The following MICALL2 variants were observed in gnomAD, a reference collection of about 807,000 sequenced individuals.
MICALL2 encodes the protein MICAL-like protein 2.
Under a neutral mutation model 91.1 loss-of-function variants are expected in MICALL2, and 111 were observed. The ratio of observed to expected loss-of-function variants is 1.22; its 90% confidence interval spans 1.04 to 1.43. The LOEUF (loss-of-function observed/expected upper bound fraction) is 1.43, where lower values mean the gene tolerates loss of function less well. Among genes scored for constraint, MICALL2 ranks in the 40% most tolerant of loss-of-function variants. The pLI is 0.00. For synonymous variants in MICALL2, 694 were observed against 525.3 expected (o/e 1.32, Z -4.39); for missense variants, 1,556 against 1,236.0 (o/e 1.26, Z -3.88).
At chr7:1,439,354 CATT>C in intron 9 of MICALL2, 5 of 265,494 alleles carry the variant, frequency 1.9e-5, no homozygotes, top group South Asian at 8.0e-5. Context: ...ACATGCATCA[CATT>C]CATGAAACAG....
intron 1 of MICALL2, among the ~76,000 whole-genome samples, chr7:1,457,581 T>C (rs894974167): frequency 6.6e-6 from 1 of 152,146 alleles, no homozygotes; most frequent in Admixed American, 6.5e-5. Flanking sequence ...TAACTGTCAG[T>C]GCACTGAGGA....
At position 1,445,046 on chromosome 7, in the gene MICALL2, T is replaced by C. The variant is rs373811505; in HGVS notation, c.1024A>G (p.Asn342Asp). The stretch of plus-strand genomic sequence containing the variant: ...GACGACCAGCCCATCGGGGAGCTAT[T>C]GGTCACACGAGGGCGGACTTTCCCC... The part of the protein sequence containing the change: ...TEGKVRPRVT[N>D]SSPMGWSSAA... The change falls in exon 6 of 17, where the codon AAT becomes GAT. Residue 342 changes from asparagine (N) to aspartate (D), a missense_variant. Asn to Asp is a conservative substitution (Grantham distance 23). Transcript: ENST00000297508. The C allele has an allele frequency of 2.9e-5, 45 of 1,541,882 alleles. No homozygotes were observed. Among genetic ancestry groups the C allele is most frequent in the Non-Finnish European group, 3.8e-5 (43 of 1,142,970 alleles).
At position 1,452,785 on chromosome 7, in the gene MICALL2, C is replaced by T. The variant is rs773544089; in HGVS notation, c.144-2497G>A. On this transcript the variant is annotated intron_variant, in intron 1 of 16. Transcript: ENST00000297508. This position sits in a 1 kb window ranked among gnomAD's most constrained non-coding sequence, Gnocchi z 6.2. Reference sequence around the variant, plus strand: ...AGGTCTGGGCTGCGAGTTCAAGCATCGCGGCCTCAGGATGAGGTTCAAGCT... The same window carrying T: ...AGGTCTGGGCTGCGAGTTCAAGCATTGCGGCCTCAGGATGAGGTTCAAGCT... Among the ~76,000 whole-genome samples the T allele has an allele frequency of 6.6e-6, 1 of 152,140 alleles. No individual in the cohort carries two copies. The highest frequency in any genetic ancestry group is 1.5e-5 in the Non-Finnish European group (1 of 68,018).
At chr7:1,435,001 C>CCCCCCCGGGG in intron 16 of MICALL2, 100 bp downstream of exon 16, 2 of 732,138 alleles carry the variant, frequency 2.7e-6, no homozygotes, top group Non-Finnish European at 4.4e-6. Context: ...CCCCCACCCC[C>CCCCCCCGGGG]AGCTGGAGGC....
At position 1,445,269 on chromosome 7, in the gene MICALL2, G is replaced by A. The variant is rs748280308; in HGVS notation, c.801C>T (p.Ser267=). 18 of 1,612,346 alleles carry A rather than the reference G, an allele frequency of 1.1e-5. No individual in the cohort carries two copies. The highest frequency in any genetic ancestry group is 7.7e-5 in the South Asian group (7 of 91,064). ...PRQPGAMGVD[S]RTSCSPQKAQ... ...CCTTCTGTGGGGAACAGGAGGTCCTGGAATCCACACCCATGGCCCCTGGCT... is the reference window on the plus strand; with the variant it reads ...CCTTCTGTGGGGAACAGGAGGTCCTAGAATCCACACCCATGGCCCCTGGCT... The change falls in exon 6 of 17, where the codon TCC becomes TCT. Residue 267 remains serine, a synonymous_variant. Coordinates refer to ENST00000297508, the MANE Select transcript of MICALL2 (RefSeq NM_182924.4).
rs770950040 is a variant in MICALL2 at position 1,445,272 on chromosome 7, A to G, written c.798T>C (p.Asp266=). The change falls in exon 6 of 17, where the codon GAT becomes GAC. Residue 266 remains aspartate, a synonymous_variant. Transcript: ENST00000297508. The stretch of plus-strand genomic sequence containing the variant: ...TCTGTGGGGAACAGGAGGTCCTGGA[A>G]TCCACACCCATGGCCCCTGGCTGTC... ...VPRQPGAMGV[D]SRTSCSPQKA... 2.9e-5 allele frequency: 46 copies of G among 1,612,286 alleles called. No individual in the cohort carries two copies. The South Asian group carries it at 4.1e-4, about 14-fold the overall frequency.
rs1779984245 is a variant in MICALL2 at position 1,436,736 on chromosome 7, C to CCT, written c.2591+4_2591+5dup. On this transcript the variant is annotated splice_donor_region_variant and intron_variant, in intron 15 of 16. Transcript: ENST00000297508. Reference sequence around the variant, plus strand: ...CTGGGAGGGGCCCCCGGCACCTGCCCCTCACCGGAGCCGGTCCTCGTCCAG... The same window carrying CCT: ...CTGGGAGGGGCCCCCGGCACCTGCCCCTCTCACCGGAGCCGGTCCTCGTCCAG... The CCT allele has an allele frequency of 1.9e-6, 3 of 1,599,000 alleles. No individual in the cohort carries two copies. Among genetic ancestry groups the CCT allele is most frequent in the Non-Finnish European group, 2.6e-6 (3 of 1,174,130 alleles).
In MICALL2 at chr7:1,445,506, A is replaced by G. The variant is rs913118389; in HGVS notation, c.642-78T>C. On this transcript the variant is annotated intron_variant, in intron 5 of 16. Transcript: ENST00000297508. Reference sequence around the variant, plus strand: ...GCATTCACCACGTGCTCCTGATAGCAGGCATTGCGGACTCCTGTGTCCACT... The same window carrying G: ...GCATTCACCACGTGCTCCTGATAGCGGGCATTGCGGACTCCTGTGTCCACT... 3 of 1,356,812 alleles carry G rather than the reference A, an allele frequency of 2.2e-6. No individual in the cohort carries two copies. In the Admixed American group the frequency reaches 8.2e-5, roughly 37 times the overall value. 84.0% of individuals were successfully genotyped at this position (1,356,812 alleles called of 1,614,324 possible). A position where few individuals can be genotyped will look rare whatever the true frequency, so the allele number is the denominator to read the frequency against.
Position 1,447,675 on chromosome 7 carries a change from G to T in MICALL2, c.425C>A (p.Pro142His), listed in dbSNP as rs369441852. The T allele has an allele frequency of 6.9e-6, 11 of 1,585,586 alleles. No individual in the cohort carries two copies. Among genetic ancestry groups the T allele is most frequent in the Admixed American group, 1.8e-5 (1 of 56,054 alleles). Residue 142 changes from proline to histidine, a missense_variant, in exon 4 of 17, where the codon CCC becomes CAC. Coordinates refer to ENST00000297508, the MANE Select transcript of MICALL2 (RefSeq NM_182924.4). ...KKAPVQAAKL[P>H]SPAPARKPPL... ...AGGCTTCCGGGCTGGGGCGGGCGAG[G>T]GCAGCTTGGCCGCCTGGACTGGAGC...
At position 1,438,363 on chromosome 7, in the gene MICALL2, G is replaced by A. The variant is rs767061457; in HGVS notation, c.2123-10C>T. On this transcript the variant is annotated splice_polypyrimidine_tract_variant and intron_variant, in intron 10 of 16. Transcript: ENST00000297508. ...GGGGACAAGGGTCTCCCTGGAGAAG[G>A]AGCAGGGTGAGCCTCTGGGACCTGG... The A allele has an allele frequency of 1.9e-6, 3 of 1,595,762 alleles. No homozygotes were observed. Among genetic ancestry groups the A allele is most frequent in the African/African-American group, 1.3e-5 (1 of 74,512 alleles).
chr7:1,455,955 T>C (rs1035361768), intron 1 of MICALL2, among the ~76,000 whole-genome samples: 3 of 151,990 alleles, frequency 2.0e-5, no homozygotes, highest in Non-Finnish European at 4.4e-5. Flanking sequence ...GGTCTGTGCC[T>C]GTCCCTCACA....
At chr7:1,453,081 C>T (rs963972223) in intron 1 of MICALL2, among the ~76,000 whole-genome samples, 3 of 151,972 alleles carry the variant, frequency 2.0e-5, no homozygotes, top group Admixed American at 1.3e-4. Flanking sequence ...CAGAAATCGC[C>T]GCCAGAACCG....
chr7:1,448,596 T>C (rs959123350), intron 3 of MICALL2, 24 bp downstream of exon 3: 2 of 1,610,840 alleles, frequency 1.2e-6, no homozygotes, highest in African/African-American at 2.7e-5. Context: ...CCTGCCTGGC[T>C]CGGCGGGCGC....
At position 1,445,276 on chromosome 7, in the gene MICALL2, A is replaced by C. The variant is rs1780519776; in HGVS notation, c.794T>G (p.Val265Gly). The C allele has an allele frequency of 1.2e-6, 2 of 1,612,300 alleles. No individual in the cohort carries two copies. The highest frequency in any genetic ancestry group is 1.7e-6 in the Non-Finnish European group (2 of 1,179,868). The part of the protein sequence containing the change: ...LVPRQPGAMG[V>G]DSRTSCSPQK... Reference sequence around the variant, plus strand: ...TGGGGAACAGGAGGTCCTGGAATCCACACCCATGGCCCCTGGCTGTCGGGG... The same window carrying C: ...TGGGGAACAGGAGGTCCTGGAATCCCCACCCATGGCCCCTGGCTGTCGGGG... The change falls in exon 6 of 17, where the codon GTG becomes GGG. Residue 265 changes from valine to glycine, a missense_variant. Transcript: ENST00000297508.
chr7:1,438,516 G>A (rs1347399243), intron 10 of MICALL2, 163 bp from the exon 11 acceptor site: 2 of 1,441,450 alleles, frequency 1.4e-6, no homozygotes, highest in African/African-American at 1.4e-5. Context: ...CAGCCCCACA[G>A]ACACCTGAGT....
intron 10 of MICALL2, 28 bp downstream of exon 10, chr7:1,438,812 A>T: frequency 6.3e-7 from 1 of 1,579,526 alleles, no homozygotes; most frequent in East Asian, 2.3e-5. Context: ...CGTACACCCC[A>T]AACAGCAGCG....
At chr7:1,445,778 GACCCACCCTGGCCTC>G (rs1221406620) in intron 5 of MICALL2, among the ~76,000 whole-genome samples, 3 of 152,164 alleles carry the variant, frequency 2.0e-5, no homozygotes, top group Non-Finnish European at 4.4e-5. Flanking sequence ...CCTCGGGGCT[GACCCACCCTGGCCTC>G]ACAGCGTGGG....
chr7:1,438,468 TCCCTAATGCCC>T, intron 10 of MICALL2, 115 bp from the exon 11 acceptor site: 1 of 1,492,198 alleles, frequency 6.7e-7, no homozygotes, highest in Non-Finnish European at 9.0e-7. Flanking sequence ...CAGCCCTGCC[TCCCTAATGCCC>T]CACACGCCCA....
At position 1,442,324 on chromosome 7, in the gene MICALL2, G is replaced by C. The variant is rs762258467; in HGVS notation, c.1579C>G (p.Gln527Glu). 1 of 1,613,202 alleles carries C rather than the reference G, an allele frequency of 6.2e-7. No individual in the cohort carries two copies. The highest frequency in any genetic ancestry group is 1.7e-5 in the Admixed American group (1 of 60,010). Reference sequence around the variant, plus strand: ...CCTGCCGGGGGCAACGCGGATGCCTGAGAGGTACTGCTCGTGCTCAGCGGG... The same window carrying C: ...CCTGCCGGGGGCAACGCGGATGCCTCAGAGGTACTGCTCGTGCTCAGCGGG... ...PAPLSTSSTSQASALPPAGRR... is the reference protein window; with the variant it reads ...PAPLSTSSTSEASALPPAGRR... The change falls in exon 7 of 17, where the codon CAG becomes GAG. Residue 527 changes from glutamine to glutamate, a missense_variant. Coordinates refer to ENST00000297508, the MANE Select transcript of MICALL2 (RefSeq NM_182924.4).
Sources: allele counts gnomAD v4.1 joint callset (sites outside exome capture counted in the v4.1 genomes callset), GRCh38; gene constraint gnomAD v4.1.1; non-coding constraint Gnocchi (gnomAD v3.1); transcripts MANE v1.5; gene names NCBI Gene and HGNC (gene_info 2026-07-23, HGNC 2026-07-21).